Variants in SDK2 observed in about 807,000 individuals in gnomAD.
The protein encoded by SDK2 is protein sidekick-2.
A neutral mutation model predicts 253.9 loss-of-function variants in SDK2; 105 were observed. The ratio of observed to expected loss-of-function variants is 0.41; its 90% CI spans 0.35 to 0.49. SDK2 has a LOEUF of 0.49. SDK2 is among the 20% of genes least tolerant of loss of function. The pLI, the probability that SDK2 is intolerant of heterozygous loss-of-function variation, is 0.06. For synonymous variants in SDK2, 1,249 were observed against 1,234.9 expected (o/e 1.01, Z -0.24); for missense variants, 2,608 against 3,003.0 (o/e 0.87, Z 3.07).
chr17:73,439,567 C>T (rs189734370), intron 6 of SDK2, among the ~76,000 whole-genome samples: 3 of 152,160 alleles, frequency 2.0e-5, no homozygotes, highest in Admixed American at 1.3e-4. Context: ...AAAAAAAATG[C>T]TGCTACAGGA....
chr17:73,494,620 T>G (rs2145734765), intron 2 of SDK2, among the ~76,000 whole-genome samples: 1 of 152,362 alleles, frequency 6.6e-6, no homozygotes, highest in South Asian at 2.1e-4. Context: ...ACATAATTTT[T>G]GCGAGGTTGT....
intron 1 of SDK2, among the ~76,000 whole-genome samples, chr17:73,513,965 G>A (rs997226935): frequency 6.6e-6 from 1 of 152,232 alleles, no homozygotes; most frequent in Non-Finnish European, 1.5e-5. Flanking sequence ...ACACTTGAGG[G>A]AGGTCTGGGT....
chr17:73,442,762 A>C (rs2063425419), intron 5 of SDK2, among the ~76,000 whole-genome samples: 1 of 151,970 alleles, frequency 6.6e-6, no homozygotes, highest in South Asian at 2.1e-4. Flanking sequence ...ACCATCATCC[A>C]ACTCCCAGGG....
Position 73,456,060 on chromosome 17 carries a change from C to T in SDK2, c.332-7G>A. 6.7e-7 allele frequency: 1 copy of T among 1,481,578 alleles called. No individual in the cohort carries two copies. The highest frequency in any genetic ancestry group is 9.0e-7 in the Non-Finnish European group (1 of 1,107,914). 91.8% of individuals were successfully genotyped at this position (1,481,578 alleles called of 1,614,324 possible). A position where few individuals can be genotyped will look rare whatever the true frequency, so the allele number is the denominator to read the frequency against. ...TCCTCAAAGCTCCCCATGTCTGCAG[C>T]CGGGACAACGGCAGTAGGATCAGGG... On this transcript the variant is annotated splice_polypyrimidine_tract_variant and splice_region_variant and intron_variant, in intron 3 of 44. Coordinates refer to ENST00000392650, the MANE Select transcript of SDK2 (RefSeq NM_001144952.2).
chr17:73,479,947 C>A (rs1190282123), intron 2 of SDK2, among the ~76,000 whole-genome samples: 1 of 152,240 alleles, frequency 6.6e-6, no homozygotes, highest in African/African-American at 2.4e-5. Context: ...CCTCCTTTGG[C>A]CTCCCAAAGT....
intron 1 of SDK2, among the ~76,000 whole-genome samples, chr17:73,640,266 G>C (rs1372535717): frequency 6.6e-6 from 1 of 150,778 alleles, no homozygotes; most frequent in African/African-American, 2.4e-5. Flanking sequence ...GGGTGTGTGT[G>C]TGGGGGGGTC....
Position 73,433,755 on chromosome 17 carries a change from C to G in SDK2, c.1289G>C (p.Arg430Pro). The G allele has an allele frequency of 6.2e-7, 1 of 1,607,300 alleles. No individual in the cohort carries two copies. The highest frequency in any genetic ancestry group is 8.5e-7 in the Non-Finnish European group (1 of 1,176,938). The change falls in exon 10 of 45, where the codon CGA becomes CCA. Residue 430 changes from arginine (R) to proline (P), a missense_variant. This residue lies in a region of SDK2 where 1,505 missense variants were observed against 1,859.1 expected (regional missense o/e 0.81). Coordinates refer to ENST00000392650, the MANE Select transcript of SDK2 (RefSeq NM_001144952.2). ...VLACETSGAP[R>P]PAITWQKGER... is the part of the protein sequence containing the mutation. Reference sequence around the variant, plus strand: ...ACCTTTCTGCCAAGTGATAGCTGGTCGGGGCGCCCCCGAGGTCTCACATGC... The same window carrying G: ...ACCTTTCTGCCAAGTGATAGCTGGTGGGGGCGCCCCCGAGGTCTCACATGC...
Position 73,348,583 on chromosome 17 carries a change from G to T in SDK2, c.6165+16C>A. On this transcript the variant is annotated intron_variant, in intron 44 of 44. Coordinates refer to ENST00000392650, the MANE Select transcript of SDK2 (RefSeq NM_001144952.2). ...CTCCCTGCCCCCTGCAGGACACCTG[G>T]CCCTCCTGCCCTCACCTGAGAGTCG... The T allele has an allele frequency of 6.2e-7, 1 of 1,610,676 alleles. No homozygotes were observed.
chr17:73,387,452 C>G (rs990939652), intron 30 of SDK2, among the ~76,000 whole-genome samples: 2 of 152,132 alleles, frequency 1.3e-5, no homozygotes, highest in Non-Finnish European at 2.9e-5. Flanking sequence ...AAAATTCAAC[C>G]CACTCGGAAT....
At position 73,423,307 on chromosome 17, in the gene SDK2, A is replaced by T. The variant is rs562957923; in HGVS notation, c.1897+79T>A. On this transcript the variant is annotated intron_variant, in intron 14 of 44. Transcript: ENST00000392650. ...AAGGCCCAGAACTAGGAAGCAGGAG[A>T]GCTGGGACCCCAGCCCAGGGCTGAC... The T allele has an allele frequency of 4.0e-6, 5 of 1,263,010 alleles. No homozygotes were observed. The South Asian group carries it at 1.4e-4, about 34-fold the overall frequency. The allele number at this position is 1,263,010 out of a possible 1,614,324, so 78.2% of individuals were successfully genotyped here. A position where few individuals can be genotyped will look rare whatever the true frequency, so the allele number is the denominator to read the frequency against.
chr17:73,537,906 A>AC (rs1034351701), intron 1 of SDK2, among the ~76,000 whole-genome samples: 1 of 151,730 alleles, frequency 6.6e-6, no homozygotes, highest in African/African-American at 2.4e-5. Flanking sequence ...CCATTCACAA[A>AC]CCCCCCAAAG....
intron 36 of SDK2, among the ~76,000 whole-genome samples, chr17:73,376,921 T>C (rs2062786587): frequency 6.7e-6 from 1 of 150,210 alleles, no homozygotes; most frequent in Non-Finnish European, 1.5e-5. Context: ...GATTCCATCC[T>C]AAATCGGGAC....
At chr17:73,475,374 A>T (rs1235488271) in intron 2 of SDK2, among the ~76,000 whole-genome samples, 3 of 152,088 alleles carry the variant, frequency 2.0e-5, no homozygotes, top group East Asian at 3.9e-4. Context: ...CTGGTCTCGA[A>T]CTCCTGACCT....
intron 2 of SDK2, among the ~76,000 whole-genome samples, chr17:73,495,582 G>A (rs936332343): frequency 3.3e-5 from 5 of 152,078 alleles, no homozygotes; most frequent in East Asian, 3.9e-4. Flanking sequence ...CCCTTGCCTC[G>A]CCCTCTGCCT....
intron 40 of SDK2, among the ~76,000 whole-genome samples, chr17:73,354,943 G>T (rs919873283): frequency 6.6e-6 from 1 of 151,508 alleles, no homozygotes; most frequent in Admixed American, 6.6e-5. Flanking sequence ...CAGCAGAGGC[G>T]CCTCGACACC....
chr17:73,509,257 T>C (rs1567813741), intron 1 of SDK2, among the ~76,000 whole-genome samples: 1 of 152,186 alleles, frequency 6.6e-6, no homozygotes, highest in Non-Finnish European at 1.5e-5. Context: ...CCTTCACGTC[T>C]AAGGATGGAA....
At chr17:73,553,627 C>T (rs141851010) in intron 1 of SDK2, among the ~76,000 whole-genome samples, 1 of 152,254 alleles carries the variant, frequency 6.6e-6, no homozygotes, top group East Asian at 1.9e-4. Flanking sequence ...ACTACCTGGC[C>T]ACAGCCTCCA....
intron 14 of SDK2, among the ~76,000 whole-genome samples, chr17:73,423,028 GAATAAATAAATAAAT>G (rs931406570): frequency 6.1e-4 from 19 of 31,078 alleles, no homozygotes; most frequent in African/African-American, 2.4e-3. Flanking sequence ...TCTCAAAAAT[GAATAAATAAATAAAT>G]AATAAATAAA....
At chr17:73,626,651 A>AAGACAGGTGCTGGCATC (rs1285811255) in intron 1 of SDK2, among the ~76,000 whole-genome samples, 2 of 152,220 alleles carry the variant, frequency 1.3e-5, no homozygotes, top group African/African-American at 2.4e-5. Context: ...CTGTGCCCAG[A>AAGACAGGTGCTGGCATC]AGACAGGTGC....
Sources: gnomAD v4.1 joint callset for allele counts (sites outside exome capture counted in the v4.1 genomes callset) on GRCh38, gnomAD v4.1.1 for gene constraint, gnomAD v4.1.1 regional missense constraint, MANE v1.5 for transcripts, NCBI Gene and HGNC (gene_info 2026-07-23, HGNC 2026-07-21) for gene names.